Variants in PRKCH observed in about 807,000 individuals in gnomAD.
PRKCH encodes the protein protein kinase C eta, also known as protein kinase C eta type.
A neutral mutation model predicts 82.5 loss-of-function variants in PRKCH; 28 were observed. The observed-to-expected ratio is 0.34, with a 90% CI of 0.25 to 0.47. The LOEUF is 0.47. Among genes scored for constraint, PRKCH ranks in the 20% least tolerant of loss-of-function variants. The pLI, the probability that PRKCH is intolerant of heterozygous loss-of-function variation, is 1.00. For missense variants in PRKCH, 705 were observed against 881.8 expected, an observed-to-expected ratio of 0.80 and a Z score of 2.54; for synonymous variants, 322 against 327.4, an observed-to-expected ratio of 0.98 and a Z score of 0.18.
chr14:61,433,823 CTG>C (rs1682099638), intron 2 of PRKCH, among the ~76,000 whole-genome samples: 1 of 152,158 alleles, frequency 6.6e-6, no homozygotes, highest in Admixed American at 6.5e-5. Context: ...TAATTTAAGA[CTG>C]TAGATGTACA....
chr14:61,281,196 C>T, intron 1 of PRKCH: 1 of 1,163,120 alleles, frequency 8.6e-7, no homozygotes, highest in South Asian at 3.7e-5. Context: ...GGGGGCCCCG[C>T]CGCGGGGCGC....
intron 1 of PRKCH, among the ~76,000 whole-genome samples, chr14:61,362,814 G>A (rs1957391349): frequency 6.6e-6 from 1 of 152,232 alleles, no homozygotes; most frequent in African/African-American, 2.4e-5. Flanking sequence ...ACAAGTCAGG[G>A]ATGGCATCTG....
chr14:61,453,094 A>G, intron 6 of PRKCH, 132 bp from the exon 7 acceptor site: 1 of 1,152,412 alleles, frequency 8.7e-7, no homozygotes, highest in Non-Finnish European at 1.3e-6. Flanking sequence ...GCTTAATTTT[A>G]TGAGAAAATG....
chr14:61,482,851 C>T (rs368625431), intron 9 of PRKCH, among the ~76,000 whole-genome samples: 96 of 152,206 alleles, frequency 6.3e-4, no homozygotes, highest in Non-Finnish European at 1.1e-3. Flanking sequence ...TTTTCTCCCC[C>T]CAGATCTGGA....
At chr14:61,465,476 G>T (rs1346766559) in intron 9 of PRKCH, among the ~76,000 whole-genome samples, 1 of 152,078 alleles carries the variant, frequency 6.6e-6, no homozygotes, top group Non-Finnish European at 1.5e-5. Context: ...TTTATTGAAG[G>T]GACAGTCCTT....
chr14:61,191,653 C>CAA (rs59056769), intron 1 of PRKCH, among the ~76,000 whole-genome samples: 80 of 145,376 alleles, frequency 5.5e-4, no homozygotes, highest in Middle Eastern at 3.6e-3. Flanking sequence ...AGCCCTGTCT[C>CAA]AAAAAAAAAA....
In PRKCH at chr14:61,528,973, C is replaced by CGTGTGTGTGTGTGTGTGTGTGTGTGT. The variant is rs57920054; in HGVS notation, c.1434-94_1434-69dup. On this transcript the variant is annotated intron_variant, in intron 10 of 13. Coordinates refer to ENST00000332981, the MANE Select transcript of PRKCH (RefSeq NM_006255.5). ...GCTCATGCGGCCGCATGTGGCCGCA[C>CGTGTGTGTGTGTGTGTGTGTGTGTGT]GTGTGTGTGTGTGTGTGTGTGTGTG... 236 of 567,276 alleles carry CGTGTGTGTGTGTGTGTGTGTGTGTGT rather than the reference C, an allele frequency of 4.2e-4. 4 individuals carry two copies. In the African/African-American group the frequency reaches 5.8e-3, roughly 14 times the overall value. The allele number at this position is 567,276 out of a possible 1,614,324, so 35.1% of individuals were successfully genotyped here.
chr14:61,510,731 T>C (rs765414403), intron 10 of PRKCH, among the ~76,000 whole-genome samples: 4 of 151,996 alleles, frequency 2.6e-5, no homozygotes, highest in Non-Finnish European at 5.9e-5. Flanking sequence ...CAAGGTAAAG[T>C]GTCAAGCAGG....
chr14:61,529,385 T>C, intron 11 of PRKCH, 172 bp downstream of exon 11: 1 of 661,170 alleles, frequency 1.5e-6, no homozygotes, highest in Non-Finnish European at 2.2e-6. Context: ...TGGCTGAAAA[T>C]GGCCTAAGTC....
intron 9 of PRKCH, among the ~76,000 whole-genome samples, chr14:61,470,153 T>G (rs867781488): frequency 6.6e-6 from 1 of 151,596 alleles, no homozygotes. Flanking sequence ...GTTATATTTT[T>G]TGTAGGATGC....
chr14:61,454,592 C>T (rs1445475976), intron 7 of PRKCH, among the ~76,000 whole-genome samples: 1 of 152,170 alleles, frequency 6.6e-6, no homozygotes, highest in Non-Finnish European at 1.5e-5. Flanking sequence ...CCCTGGAGTC[C>T]AGCAGTTCTG....
rs140938734 is a variant in PRKCH at position 61,228,960 on chromosome 14, G to A, written c.-19+41292G>A. 2.6e-3 allele frequency among the ~76,000 whole-genome samples: 399 copies of A among 151,872 alleles called. 2 individuals are homozygous for A. Among genetic ancestry groups the A allele is most frequent in the African/African-American group, 9.1e-3 (376 of 41,458 alleles). Reference sequence around the variant, plus strand: ...TAGAGTATTGGGGCAGTGGCTGGTGGGAATGTAATACATTTCACCTTTCTG... The same window carrying A: ...TAGAGTATTGGGGCAGTGGCTGGTGAGAATGTAATACATTTCACCTTTCTG... On this transcript the variant is annotated intron_variant, in intron 1 of 3. Coordinates refer to the PRKCH transcript ENST00000555185.
chr14:61,265,711 A>T (rs1476268153), intron 1 of PRKCH, among the ~76,000 whole-genome samples: 5 of 152,166 alleles, frequency 3.3e-5, no homozygotes, highest in Non-Finnish European at 7.4e-5. Context: ...TGAAAACATA[A>T]AACTGCAATA....
At chr14:61,239,403 G>A (rs572214830) in intron 1 of PRKCH, among the ~76,000 whole-genome samples, 6 of 152,278 alleles carry the variant, frequency 3.9e-5, no homozygotes, top group East Asian at 3.9e-4. Flanking sequence ...CTAAAATGGC[G>A]TCAGCACCAA....
intron 12 of PRKCH, among the ~76,000 whole-genome samples, chr14:61,545,721 C>T (rs2043246879): frequency 6.6e-6 from 1 of 152,152 alleles, no homozygotes; most frequent in African/African-American, 2.4e-5. Context: ...TCTGCCTGTC[C>T]CCAATTCCAA....
intron 4 of PRKCH, among the ~76,000 whole-genome samples, chr14:61,447,435 A>T (rs1195907860): frequency 2.6e-5 from 4 of 152,238 alleles, no homozygotes; most frequent in African/African-American, 9.6e-5. Flanking sequence ...GCATTATCAC[A>T]ACTAGGTGAA....
At chr14:61,441,732 T>A (rs1883985128) in intron 2 of PRKCH, among the ~76,000 whole-genome samples, 1 of 151,612 alleles carries the variant, frequency 6.6e-6, no homozygotes. Flanking sequence ...TTTGTATTTT[T>A]TTTTTTTTTT....
At chr14:61,195,222 T>G (rs902702414) in intron 1 of PRKCH, among the ~76,000 whole-genome samples, 1 of 152,228 alleles carries the variant, frequency 6.6e-6, no homozygotes, top group Non-Finnish European at 1.5e-5. Flanking sequence ...TATTTTGAAC[T>G]CTACTCTGTG....
chr14:61,330,188 G>A (rs1163642968), intron 1 of PRKCH, among the ~76,000 whole-genome samples: 1 of 152,200 alleles, frequency 6.6e-6, no homozygotes, highest in Non-Finnish European at 1.5e-5. Context: ...CCCTGGTTTG[G>A]GGAGGTGGGG....
Sources: gnomAD v4.1 joint callset for allele counts (sites outside exome capture counted in the v4.1 genomes callset) on GRCh38, gnomAD v4.1.1 for gene constraint, MANE v1.5 for transcripts, NCBI Gene and HGNC (gene_info 2026-07-23, HGNC 2026-07-21) for gene names.